RSRC1: variants seen among roughly 807,000 people sequenced by gnomAD.
The protein encoded by RSRC1 is serine/Arginine-related protein 53.
Under a neutral mutation model 49.1 loss-of-function variants are expected in RSRC1, and 39 were observed. The ratio of observed to expected loss-of-function variants is 0.79; its 90% CI spans 0.61 to 1.04. RSRC1 has a LOEUF of 1.04. Ranked by LOEUF, RSRC1 falls within the 50% of genes least tolerant of loss-of-function variation. RSRC1 has a pLI of 0.00. For synonymous variants in RSRC1, 143 were observed against 130.8 expected, an observed-to-expected ratio of 1.09 and a Z score of -0.63; for missense variants, 388 against 402.4, an observed-to-expected ratio of 0.96 and a Z score of 0.31.
rs183704564 is a variant in RSRC1, at chr3:158,405,959, G to T, written c.583+51051G>T. Among the ~76,000 whole-genome samples the T allele has an allele frequency of 1.2e-4, 18 of 152,062 alleles. No homozygotes were observed. In the East Asian group the frequency reaches 2.9e-3, roughly 24 times the overall value. On this transcript the variant is annotated intron_variant, in intron 6 of 9. Transcript: ENST00000611884. ...ACATTTTCTAATTAACATGATTCTG[G>T]AATTTTACATGAAAATTTATGTCAA...
At chr3:158,343,468 G>A (rs563326229) in intron 5 of RSRC1, among the ~76,000 whole-genome samples, 39 of 152,148 alleles carry the variant, frequency 2.6e-4, no homozygotes, top group African/African-American at 7.9e-4. Flanking sequence ...AAAATACACC[G>A]TATGTTAAAG....
chr3:158,255,114 G>A (rs1228294772), intron 4 of RSRC1, among the ~76,000 whole-genome samples: 1 of 152,114 alleles, frequency 6.6e-6, no homozygotes, highest in Admixed American at 6.5e-5. Context: ...ATTGCTTTTG[G>A]TGTTTTAGTC....
intron 5 of RSRC1, among the ~76,000 whole-genome samples, chr3:158,318,107 T>C (rs1164388047): frequency 6.6e-6 from 1 of 152,000 alleles, no homozygotes; most frequent in Admixed American, 6.5e-5. Context: ...GTTTATTTTA[T>C]GTGTGGCCCA....
Position 158,223,590 on chromosome 3 carries a change from A to AT in RSRC1, c.494+20356dup, listed in dbSNP as rs5853818. ...ACCTGATCTATAGTTTAGCTTCCTG[A>AT]TTTTTTTTTTTGCTTTCAATCTTGT... On this transcript the variant is annotated intron_variant, in intron 4 of 9. Coordinates refer to ENST00000611884, the MANE Select transcript of RSRC1 (RefSeq NM_001271838.2). Among the ~76,000 whole-genome samples the AT allele has an allele frequency of 8.9e-4, 130 of 145,710 alleles. 1 individual carries two copies. Among genetic ancestry groups the AT allele is most frequent in the African/African-American group, 2.6e-3 (102 of 40,000 alleles).
intron 2 of RSRC1, among the ~76,000 whole-genome samples, chr3:158,123,034 G>T (rs1219622068): frequency 6.6e-6 from 1 of 152,194 alleles, no homozygotes; most frequent in East Asian, 1.9e-4. Flanking sequence ...GTGCTGCAAC[G>T]GAGTTTTGCT....
In RSRC1 at chr3:158,515,799, T is replaced by C. The variant is rs1277861227; in HGVS notation, c.653-21293T>C. 2.6e-5 allele frequency among the ~76,000 whole-genome samples: 4 copies of C among 152,050 alleles called. 1 individual carries two copies. Among genetic ancestry groups the C allele is most frequent in the African/African-American group, 9.7e-5 (4 of 41,364 alleles). On this transcript the variant is annotated intron_variant, in intron 7 of 9. Coordinates refer to ENST00000611884, the MANE Select transcript of RSRC1 (RefSeq NM_001271838.2). ...ATTTCTTGGAGGCTTTGCTCGTTTC[T>C]TTTTATTCTTTTTTCTGTAAACTTC...
intron 6 of RSRC1, among the ~76,000 whole-genome samples, chr3:158,358,830 A>C (rs534913852): frequency 6.6e-6 from 1 of 152,070 alleles, no homozygotes; most frequent in African/African-American, 2.4e-5. Flanking sequence ...TGGATATTTC[A>C]TATAAATGGA....
chr3:158,350,178 A>ATTTT (rs1294069975), intron 5 of RSRC1, among the ~76,000 whole-genome samples: 10 of 79,616 alleles, frequency 1.3e-4, no homozygotes, highest in African/African-American at 4.4e-4. Flanking sequence ...ATATATATAT[A>ATTTT]ATTTTTTTTT....
chr3:158,256,679 G>A (rs953983850), intron 4 of RSRC1, among the ~76,000 whole-genome samples: 8 of 152,074 alleles, frequency 5.3e-5, no homozygotes, highest in African/African-American at 9.7e-5. Flanking sequence ...AGTAGAATTC[G>A]GCTGTGAATC....
At chr3:158,443,614 T>A (rs1283881547) in intron 6 of RSRC1, among the ~76,000 whole-genome samples, 2 of 152,190 alleles carry the variant, frequency 1.3e-5, no homozygotes, top group African/African-American at 4.8e-5. Context: ...ACTTTGTCCC[T>A]ATCAGCAATA....
At chr3:158,171,578 A>G (rs1169414956) in intron 3 of RSRC1, among the ~76,000 whole-genome samples, 1 of 152,184 alleles carries the variant, frequency 6.6e-6, no homozygotes, top group Non-Finnish European at 1.5e-5. Flanking sequence ...TGGCACTGAA[A>G]AATACAATAT....
chr3:158,407,506 C>A (rs747802813), intron 6 of RSRC1, among the ~76,000 whole-genome samples: 1 of 152,142 alleles, frequency 6.6e-6, no homozygotes, highest in Non-Finnish European at 1.5e-5. Context: ...GAACCTACCA[C>A]TAAATAAAAA....
chr3:158,139,999 C>T (rs1388347008), intron 3 of RSRC1, among the ~76,000 whole-genome samples: 1 of 152,134 alleles, frequency 6.6e-6, no homozygotes, highest in East Asian at 1.9e-4. Flanking sequence ...GCATTCTAAT[C>T]TTTCTTCCAA....
chr3:158,543,545 A>T (rs748051123), intron 9 of RSRC1, 58 bp downstream of exon 9: 1 of 1,522,578 alleles, frequency 6.6e-7, no homozygotes, highest in Non-Finnish European at 8.9e-7. Context: ...AAATTATTTC[A>T]ATCTGTTATC....
At chr3:158,429,244 A>G (rs985473688) in intron 6 of RSRC1, among the ~76,000 whole-genome samples, 4 of 151,766 alleles carry the variant, frequency 2.6e-5, no homozygotes, top group Non-Finnish European at 1.5e-5. Flanking sequence ...GGAAAATGAT[A>G]TACACATTAG....
At chr3:158,530,564 G>T (rs948092521) in intron 7 of RSRC1, among the ~76,000 whole-genome samples, 1 of 151,838 alleles carries the variant, frequency 6.6e-6, no homozygotes, top group African/African-American at 2.4e-5. Context: ...GTGGAACAAT[G>T]CCTGGTACAT....
At chr3:158,121,271 C>T (rs1490129712) in intron 1 of RSRC1, among the ~76,000 whole-genome samples, 1 of 151,798 alleles carries the variant, frequency 6.6e-6, no homozygotes, top group Non-Finnish European at 1.5e-5. Context: ...TATTATTACT[C>T]AATTGTGTAC....
At chr3:158,440,653 A>G (rs972803638) in intron 6 of RSRC1, among the ~76,000 whole-genome samples, 38 of 152,132 alleles carry the variant, frequency 2.5e-4, no homozygotes, top group Admixed American at 6.6e-4. Flanking sequence ...CAGAAATATT[A>G]GAGAAACCAG....
At chr3:158,145,919 G>A (rs757857846) in intron 3 of RSRC1, among the ~76,000 whole-genome samples, 1 of 151,722 alleles carries the variant, frequency 6.6e-6, no homozygotes, top group African/African-American at 2.4e-5. Context: ...TCACTCATGT[G>A]GCTCTCTGTT....
Sources: allele counts gnomAD v4.1 joint callset (sites outside exome capture counted in the v4.1 genomes callset), GRCh38; gene constraint gnomAD v4.1.1; transcripts MANE v1.5; gene names NCBI Gene and HGNC (gene_info 2026-07-23, HGNC 2026-07-21).